MECR: variants seen among roughly 807,000 people sequenced by gnomAD.
MECR encodes the protein enoyl-[acyl-carrier-protein] reductase, mitochondrial.
Under a neutral mutation model 49.1 loss-of-function variants are expected in MECR, and 37 were observed. The observed-to-expected ratio is 0.75, with a 90% CI of 0.58 to 0.99. The LOEUF (loss-of-function observed/expected upper bound fraction) is 0.99, where lower values mean the gene tolerates loss of function less well. MECR is among the 50% of genes least tolerant of loss of function. The pLI is 0.00. For synonymous variants in MECR, 198 were observed against 191.1 expected, an observed-to-expected ratio of 1.04 and a Z score of -0.30; for missense variants, 470 against 479.6, an observed-to-expected ratio of 0.98 and a Z score of 0.19.
chr1:29,191,734 G>C (rs150253894), downstream of MECR, among the ~76,000 whole-genome samples: 1 of 152,144 alleles, frequency 6.6e-6, no homozygotes, highest in South Asian at 2.1e-4. Flanking sequence ...TTTTTCCAGC[G>C]GACATAAAAG....
chr1:29,200,202 C>T, intron 7 of MECR: 1 of 213,080 alleles, frequency 4.7e-6, no homozygotes. Flanking sequence ...TAAGTTAGGA[C>T]TAAGTGACTT....
chr1:29,203,489 C>T (rs905656539), intron 4 of MECR, among the ~76,000 whole-genome samples: 3 of 152,240 alleles, frequency 2.0e-5, no homozygotes, highest in Non-Finnish European at 4.4e-5. Flanking sequence ...TAGACCCTGC[C>T]CTGCTATGTA....
At chr1:29,180,227 C>T in the MECR span, among the ~76,000 whole-genome samples, 1 of 152,126 alleles carries the variant, frequency 6.6e-6, no homozygotes, top group Admixed American at 6.6e-5. Flanking sequence ...GTTAGTTATG[C>T]TGTCAATTTA....
downstream of MECR, among the ~76,000 whole-genome samples, chr1:29,192,207 T>G (rs1673161231): frequency 6.6e-6 from 1 of 152,334 alleles, no homozygotes. Context: ...CTTTGTGATC[T>G]GTACCTCACC....
the MECR span, among the ~76,000 whole-genome samples, chr1:29,186,946 C>CT: frequency 6.6e-6 from 1 of 152,162 alleles, no homozygotes; most frequent in East Asian, 1.9e-4. Context: ...CTAAGAATCT[C>CT]TTTTTTCTCT....
chr1:29,224,884 C>T (rs1328371767), intron 1 of MECR: 1 of 152,220 alleles, frequency 6.6e-6, no homozygotes, highest in African/African-American at 2.4e-5. Flanking sequence ...CCACCTCACC[C>T]AGGGTGGGAA....
At chr1:29,202,997 CAACT>C in intron 5 of MECR, 130 bp downstream of exon 5, 2 of 646,038 alleles carry the variant, frequency 3.1e-6, no homozygotes, top group Non-Finnish European at 5.2e-6. Flanking sequence ...TTTCAGCCGC[CAACT>C]GTTAGCGATG....
At chr1:29,216,180 C>A in intron 2 of MECR, 44 bp from the exon 3 acceptor site, 8 of 1,609,596 alleles carry the variant, frequency 5.0e-6, no homozygotes, top group South Asian at 1.1e-5. Flanking sequence ...GATGTTTGGG[C>A]AGTGAAAGAG....
At chr1:29,182,549 A>ATT in the MECR span, among the ~76,000 whole-genome samples, 64 of 144,386 alleles carry the variant, frequency 4.4e-4, no homozygotes, top group African/African-American at 1.6e-3. Flanking sequence ...AATCCAACCT[A>ATT]TTTTTTTTTT....
At chr1:29,188,623 T>C (rs536931463), downstream of MECR, among the ~76,000 whole-genome samples, 1 of 151,656 alleles carries the variant, frequency 6.6e-6, no homozygotes, top group Non-Finnish European at 1.5e-5. Flanking sequence ...CTCAAGCTTT[T>C]TTTTAGCAGG....
chr1:29,196,053 G>A, intron 8 of MECR, 40 bp from the exon 9 acceptor site: 1 of 1,609,498 alleles, frequency 6.2e-7, no homozygotes, highest in Non-Finnish European at 8.5e-7. Flanking sequence ...CTGAGGGCAA[G>A]AACTTCAGGT....
At chr1:29,202,066 C>G (rs1331943241) in intron 5 of MECR, 21 bp from the exon 6 acceptor site, 1 of 1,604,032 alleles carries the variant, frequency 6.2e-7, no homozygotes, top group South Asian at 1.1e-5. Flanking sequence ...AACATAGGTC[C>G]CTGGTCACAT....
intron 1 of MECR, 87 bp from the exon 2 acceptor site, chr1:29,216,772 C>T: frequency 6.2e-7 from 1 of 1,600,136 alleles, no homozygotes; most frequent in Admixed American, 1.7e-5. Context: ...GTAGGTCAGG[C>T]AACATTTCTG....
chr1:29,210,297 T>G (rs1574384356), intron 3 of MECR, among the ~76,000 whole-genome samples: 1 of 152,092 alleles, frequency 6.6e-6, no homozygotes. Flanking sequence ...TAGGCATGAG[T>G]CACTGTACCC....
At chr1:29,183,381 TTCTCTCTCTCTCTTTC>T in the MECR span, among the ~76,000 whole-genome samples, 2 of 148,320 alleles carry the variant, frequency 1.3e-5, no homozygotes, top group African/African-American at 2.6e-5. Context: ...AACTTTGCAT[TTCTCTCTCTCTCTTTC>T]TCTCTCTCTC....
chr1:29,230,467 G>C (rs1169171085), intron 1 of MECR: 2 of 467,676 alleles, frequency 4.3e-6, no homozygotes, highest in Non-Finnish European at 7.5e-6. Context: ...TTAAATGAGA[G>C]CATCCATTTA....
At chr1:29,173,871 A>G in the MECR span, among the ~76,000 whole-genome samples, 2 of 152,044 alleles carry the variant, frequency 1.3e-5, no homozygotes, top group Non-Finnish European at 2.9e-5. Flanking sequence ...TTAAAAAATT[A>G]TAATAAAGGG....
At chr1:29,202,692 G>A (rs1675602065) in intron 5 of MECR, among the ~76,000 whole-genome samples, 1 of 152,122 alleles carries the variant, frequency 6.6e-6, no homozygotes, top group South Asian at 2.1e-4. Context: ...TGACAAACCT[G>A]CCCCTGTCTC....
intron 3 of MECR, among the ~76,000 whole-genome samples, chr1:29,208,973 G>A (rs1031355745): frequency 6.6e-6 from 1 of 152,246 alleles, no homozygotes; most frequent in Admixed American, 6.5e-5. Context: ...AGGGCATGCA[G>A]CAGATGCAGA....
Sources: gnomAD v4.1 joint callset for allele counts (sites outside exome capture counted in the v4.1 genomes callset) on GRCh38, gnomAD v4.1.1 for gene constraint, MANE v1.5 for transcripts, NCBI Gene and HGNC (gene_info 2026-07-23, HGNC 2026-07-21) for gene names.